Variants in SLC2A1 observed in about 807,000 individuals in gnomAD.
The protein encoded by SLC2A1 is solute carrier family 2, facilitated glucose transporter member 1.
In SLC2A1, 4 loss-of-function variants were observed where a neutral mutation model predicts 46.6. That is an observed-to-expected ratio of 0.09 (90% CI 0.04 to 0.20). The LOEUF (loss-of-function observed/expected upper bound fraction) is 0.20, where lower values mean the gene tolerates loss of function less well. Among genes scored for constraint, SLC2A1 ranks in the 10% least tolerant of loss-of-function variants. The pLI is 1.00. For synonymous variants in SLC2A1, 253 were observed against 270.0 expected, an observed-to-expected ratio of 0.94 and a Z score of 0.62; for missense variants, 352 against 667.0, an observed-to-expected ratio of 0.53 and a Z score of 5.20.
Position 42,929,171 on chromosome 1 carries a change from C to T in SLC2A1, c.972+39G>A, listed in dbSNP as rs760728697. 3.8e-6 allele frequency: 6 copies of T among 1,588,344 alleles called. No individual in the cohort carries two copies. The highest frequency in any genetic ancestry group is 2.7e-5 in the African/African-American group (2 of 74,264). ...TGGGGAAGATGGCACTGCCTCCTCC[C>T]TGGGGTTTGGCTGGGGGGGCCAGTA... On this transcript the variant is annotated intron_variant, in intron 7 of 9. Transcript: ENST00000426263. This position sits in a 1 kb window ranked among gnomAD's most constrained non-coding sequence, Gnocchi z 6.0.
chr1:42,942,844 A>G (rs1387447469), intron 2 of SLC2A1: 2 of 329,274 alleles, frequency 6.1e-6, no homozygotes, highest in African/African-American at 4.3e-5. Context: ...GTGAGCATCA[A>G]GTGAGACAAG....
At chr1:42,932,859 C>A (rs539375505) in intron 2 of SLC2A1, among the ~76,000 whole-genome samples, 1 of 152,310 alleles carries the variant, frequency 6.6e-6, no homozygotes, top group East Asian at 1.9e-4. Flanking sequence ...CCCAAGTCAG[C>A]AGGCATCTGA....
At position 42,929,605 on chromosome 1, in the gene SLC2A1, A is replaced by C. The variant is rs1358709351; in HGVS notation, c.855T>G (p.Ser285=). The C allele has an allele frequency of 6.2e-7, 1 of 1,613,398 alleles. No homozygotes were observed. The change falls in exon 6 of 10, where the codon TCT becomes TCG. Residue 285 remains serine (S), a synonymous_variant. Transcript: ENST00000426263. The surrounding 1 kb of genome is among the most constrained non-coding windows in gnomAD (Gnocchi z 6.0). The part of the protein sequence containing the change: ...AVVLQLSQQL[S]GINAVFYYST... ...TGGGGGCACTCACAGCGTTGATGCCAGACAGCTGCTGGGACAGCTGCAGCA... is the reference window on the plus strand; with the variant it reads ...TGGGGGCACTCACAGCGTTGATGCCCGACAGCTGCTGGGACAGCTGCAGCA...
At chr1:42,946,214 G>A (rs546006739) in intron 1 of SLC2A1, among the ~76,000 whole-genome samples, 5 of 152,326 alleles carry the variant, frequency 3.3e-5, no homozygotes, top group African/African-American at 1.2e-4. Flanking sequence ...CCCTCCGCTG[G>A]ACCTTGTCAT....
chr1:42,954,219 A>C lies in SLC2A1; in HGVS notation c.18+4415T>G, dbSNP rs547105232. On this transcript the variant is annotated intron_variant, in intron 1 of 9. Coordinates refer to ENST00000426263, the MANE Select transcript of SLC2A1 (RefSeq NM_006516.4). This position sits in a 1 kb window ranked among gnomAD's most constrained non-coding sequence, Gnocchi z 4.2. ...GGCATGTGGAGAAGAAAGCATCTTTAAAAAAAAAACACAGCTAGGCCAGGC... is the reference window on the plus strand; with the variant it reads ...GGCATGTGGAGAAGAAAGCATCTTTCAAAAAAAAACACAGCTAGGCCAGGC... 0.26 allele frequency among the ~76,000 whole-genome samples: 13,324 copies of C among 51,118 alleles called. 755 individuals carry two copies. Among genetic ancestry groups the C allele is most frequent in the Admixed American group, 0.39 (2,560 of 6,530 alleles). The allele number at this position is 51,118 out of a possible 152,430, so 33.5% of individuals were successfully genotyped here.
Position 42,958,692 on chromosome 1 carries a change from G to A in SLC2A1, c.-41C>T, listed in dbSNP as rs908367337. The stretch of plus-strand genomic sequence containing the variant: ...GTGGCTCTGGCTGCGCCGGGTACGC[G>A]GGTGGCGACGGGCGTGCGAGCGGCG... On this transcript the variant is annotated 5_prime_UTR_variant, in exon 1 of 10. Transcript: ENST00000426263. The A allele has an allele frequency of 1.9e-5, 29 of 1,532,240 alleles. No homozygotes were observed. In the African/African-American group the frequency reaches 3.5e-4, roughly 18 times the overall value. The allele number at this position is 1,532,240 out of a possible 1,614,324, so 94.9% of individuals were successfully genotyped here. A position where few individuals can be genotyped will look rare whatever the true frequency, so the allele number is the denominator to read the frequency against.
chr1:42,958,550 G>GC (rs1570611247), intron 1 of SLC2A1, 84 bp downstream of exon 1: 1 of 1,209,864 alleles, frequency 8.3e-7, no homozygotes, highest in East Asian at 3.3e-5. Flanking sequence ...CAGCGGGGCG[G>GC]CGGGGGAGGC....
chr1:42,952,694 T>C (rs901089787), intron 1 of SLC2A1: 18 of 195,634 alleles, frequency 9.2e-5, no homozygotes, highest in Non-Finnish European at 1.9e-4. Flanking sequence ...AGCAGGGAGC[T>C]GAAGGCAGCC....
At chr1:42,953,444 G>A (rs1241871163) in intron 1 of SLC2A1, among the ~76,000 whole-genome samples, 2 of 152,236 alleles carry the variant, frequency 1.3e-5, no homozygotes, top group Non-Finnish European at 2.9e-5. Context: ...TGGGCCTGCA[G>A]GCCTGGACAC....
rs567118061 is a variant in SLC2A1, at chr1:42,954,722, C to T, written c.18+3912G>A. ...CATCCTGGAAAGGCTGGCAGCATGT[C>T]TTGGGGTGGGAGGCTCAGTGTGTGA... On this transcript the variant is annotated intron_variant, in intron 1 of 9. Transcript: ENST00000426263. This position sits in a 1 kb window ranked among gnomAD's most constrained non-coding sequence, Gnocchi z 4.2. Among the ~76,000 whole-genome samples, 1 of 152,224 alleles carries T rather than the reference C, an allele frequency of 6.6e-6. No individual in the cohort carries two copies. Among genetic ancestry groups the T allele is most frequent in the South Asian group, 2.1e-4 (1 of 4,816 alleles).
Position 42,926,718 on chromosome 1 carries a change from C to T in SLC2A1, c.*323G>A. 7.3e-7 allele frequency: 1 copy of T among 1,368,808 alleles called. No homozygotes were observed. The highest frequency in any genetic ancestry group is 4.1e-5 in the East Asian group (1 of 24,614). The allele number at this position is 1,368,808 out of a possible 1,614,324, so 84.8% of individuals were successfully genotyped here. A position where few individuals can be genotyped will look rare whatever the true frequency, so the allele number is the denominator to read the frequency against. On this transcript the variant is annotated 3_prime_UTR_variant, in exon 10 of 10. Coordinates refer to ENST00000426263, the MANE Select transcript of SLC2A1 (RefSeq NM_006516.4). ...CTCGACAGGGCTTAGTCTCCACCCT[C>T]AGGCATGGAACCATTCAGGGTGAAG...
intron 1 of SLC2A1, among the ~76,000 whole-genome samples, chr1:42,947,408 C>A (rs139306582): frequency 7.4e-4 from 113 of 152,160 alleles, no homozygotes; most frequent in African/African-American, 2.6e-3. Flanking sequence ...TAGCTTATTA[C>A]CCATCTGCCA....
At chr1:42,941,108 C>T (rs922200241) in intron 2 of SLC2A1, among the ~76,000 whole-genome samples, 4 of 152,238 alleles carry the variant, frequency 2.6e-5, no homozygotes, top group Non-Finnish European at 5.9e-5. Context: ...CGGCAACTTT[C>T]TTGATGGTTT....
chr1:42,929,528 T>C lies in SLC2A1; in HGVS notation c.867+65A>G, dbSNP rs1334544237. 6.7e-7 allele frequency: 1 copy of C among 1,486,572 alleles called. No individual in the cohort carries two copies. The highest frequency in any genetic ancestry group is 9.4e-7 in the Non-Finnish European group (1 of 1,068,932). 92.1% of individuals were successfully genotyped at this position (1,486,572 alleles called of 1,614,324 possible). On this transcript the variant is annotated intron_variant, in intron 6 of 9. Coordinates refer to ENST00000426263, the MANE Select transcript of SLC2A1 (RefSeq NM_006516.4). This position sits in a 1 kb window ranked among gnomAD's most constrained non-coding sequence, Gnocchi z 6.0. ...TCTGTTGTTTCAAGTTTGGGACTTG[T>C]TCACCATGCACACTTGACCAGAGGG...
At chr1:42,957,076 G>A (rs1372518797) in intron 1 of SLC2A1, among the ~76,000 whole-genome samples, 1 of 152,220 alleles carries the variant, frequency 6.6e-6, no homozygotes, top group Non-Finnish European at 1.5e-5. Context: ...GGCATAGTAT[G>A]CTGAATAGAT....
chr1:42,929,993 G>A lies in SLC2A1; in HGVS notation c.559C>T (p.Pro187Ser), dbSNP rs1459390244. Residue 187 changes from proline (P) to serine (S), a missense_variant, in exon 5 of 10, where the codon CCC becomes TCC. Transcript: ENST00000426263. The surrounding 1 kb of genome is among the most constrained non-coding windows in gnomAD (Gnocchi z 6.0). ...ATGAAGATGATGCTCAGCAGCAGGG[G>A]CCACAGGTCCTTGTTGCCCATGATG... ...DSIMGNKDLW[P>S]LLLSIIFIPA... 2 of 1,613,992 alleles carry A rather than the reference G, an allele frequency of 1.2e-6. No homozygotes were observed. The highest frequency in any genetic ancestry group is 1.3e-5 in the African/African-American group (1 of 74,920).
At chr1:42,941,338 G>A (rs972226324) in intron 2 of SLC2A1, among the ~76,000 whole-genome samples, 1 of 152,110 alleles carries the variant, frequency 6.6e-6, no homozygotes, top group Non-Finnish European at 1.5e-5. Flanking sequence ...TCTGGCTCTT[G>A]CCTACCTTAC....
intron 1 of SLC2A1, among the ~76,000 whole-genome samples, chr1:42,953,442 C>A (rs1182950131): frequency 1.3e-5 from 2 of 152,240 alleles, no homozygotes; most frequent in African/African-American, 4.8e-5. Flanking sequence ...GCTGGGCCTG[C>A]AGGCCTGGAC....
Position 42,929,814 on chromosome 1 carries a change from A to T in SLC2A1, c.680-34T>A. On this transcript the variant is annotated intron_variant, in intron 5 of 9. Transcript: ENST00000426263. The surrounding 1 kb of genome is among the most constrained non-coding windows in gnomAD (Gnocchi z 6.0). ...ACCGGAGGGAAGGTGAGGGTGGCTC[A>T]GAGTGGGAAGAAGGCCAGGGCTCAG... 3 of 1,614,172 alleles carry T rather than the reference A, an allele frequency of 1.9e-6. No individual in the cohort carries two copies. The highest frequency in any genetic ancestry group is 2.5e-6 in the Non-Finnish European group (3 of 1,179,996).
Sources: gnomAD v4.1 joint callset for allele counts (sites outside exome capture counted in the v4.1 genomes callset) on GRCh38, gnomAD v4.1.1 for gene constraint, Gnocchi (gnomAD v3.1) non-coding constraint, MANE v1.5 for transcripts, NCBI Gene and HGNC (gene_info 2026-07-23, HGNC 2026-07-21) for gene names.